Variants in PCDH9 observed in about 807,000 individuals in gnomAD.
The protein encoded by PCDH9 is protocadherin-9.
Under a neutral mutation model 70.6 loss-of-function variants are expected in PCDH9, and 24 were observed. That is an observed-to-expected ratio of 0.34 (90% CI 0.25 to 0.48). The LOEUF is 0.48. Among genes scored for constraint, PCDH9 ranks in the 20% least tolerant of loss-of-function variants. The probability of loss-of-function intolerance (pLI) is 0.99; values close to 1 mark genes in which losing one functional copy is unlikely to be tolerated. For missense variants in PCDH9, 1,281 were observed against 1,503.6 expected (o/e 0.85, Z 2.45); for synonymous variants, 562 against 558.5 (o/e 1.01, Z -0.09).
chr13:66,823,848 TG>T (rs2080761041), intron 3 of PCDH9, among the ~76,000 whole-genome samples: 1 of 152,164 alleles, frequency 6.6e-6, no homozygotes, highest in African/African-American at 2.4e-5. Flanking sequence ...ACTGATTTTT[TG>T]ACACTATATT....
intron 2 of PCDH9, among the ~76,000 whole-genome samples, chr13:67,065,149 A>C (rs1023394630): frequency 6.6e-6 from 1 of 152,146 alleles, no homozygotes; most frequent in Non-Finnish European, 1.5e-5. Flanking sequence ...AAGCATGCTT[A>C]CATGATGTTA....
intron 4 of PCDH9, among the ~76,000 whole-genome samples, chr13:66,330,905 G>C (rs1280524857): frequency 6.6e-6 from 1 of 152,120 alleles, no homozygotes; most frequent in Non-Finnish European, 1.5e-5. Flanking sequence ...AAAAAATTAG[G>C]CTCACATCTG....
chr13:67,162,519 A>G (rs1466476980), intron 2 of PCDH9, among the ~76,000 whole-genome samples: 1 of 152,210 alleles, frequency 6.6e-6, no homozygotes, highest in Non-Finnish European at 1.5e-5. Context: ...TCACAGAACA[A>G]CCATCAAAAG....
At chr13:66,389,674 G>A (rs902391179) in intron 4 of PCDH9, among the ~76,000 whole-genome samples, 8 of 152,272 alleles carry the variant, frequency 5.3e-5, no homozygotes, top group African/African-American at 1.9e-4. Context: ...CTGGTAAAGG[G>A]ACTTCAAGTG....
intron 4 of PCDH9, among the ~76,000 whole-genome samples, chr13:66,561,155 C>T (rs558953297): frequency 5.3e-5 from 8 of 152,334 alleles, no homozygotes; most frequent in African/African-American, 1.7e-4. Context: ...GCCCCGCACT[C>T]GGAGCGGCCG....
chr13:66,980,430 T>C (rs1025300514), intron 2 of PCDH9, among the ~76,000 whole-genome samples: 2 of 152,210 alleles, frequency 1.3e-5, no homozygotes, highest in African/African-American at 4.8e-5. Context: ...TAAAATCAGA[T>C]AAAGATTTAT....
Position 66,447,397 on chromosome 13 carries a change from G to A in PCDH9, c.3341-142369C>T, listed in dbSNP as rs1164697133. Among the ~76,000 whole-genome samples, 5 of 151,876 alleles carry A rather than the reference G, an allele frequency of 3.3e-5. No individual in the cohort carries two copies. In the East Asian group the frequency reaches 9.7e-4, roughly 29 times the overall value. On this transcript the variant is annotated intron_variant, in intron 4 of 4. Coordinates refer to ENST00000377865, the MANE Select transcript of PCDH9 (RefSeq NM_203487.3). ...TGCTAATGCTTCAAAAAATATAACT[G>A]GGAATAATTACCACAAATTATGATA...
In PCDH9 at chr13:67,213,221, A is replaced by G. The variant is rs2089510284; in HGVS notation, c.3036+12184T>C. 3.6e-5 allele frequency: 4 copies of G among 109,866 alleles called. No homozygotes were observed. In the East Asian group the frequency reaches 8.7e-4, roughly 24 times the overall value. 6.8% of individuals were successfully genotyped at this position (109,866 alleles called of 1,614,324 possible). ...GACTCCGTCACAAAAAAAAAAAAAAAAAAAAAAAAAAAAAAAAGAAAAAAA... is the reference window on the plus strand; with the variant it reads ...GACTCCGTCACAAAAAAAAAAAAAAGAAAAAAAAAAAAAAAAAGAAAAAAA... On this transcript the variant is annotated intron_variant, in intron 2 of 4. Transcript: ENST00000377865.
At chr13:66,902,865 G>A (rs1410083421) in intron 3 of PCDH9, among the ~76,000 whole-genome samples, 2 of 151,438 alleles carry the variant, frequency 1.3e-5, no homozygotes, top group South Asian at 4.1e-4. Context: ...AGCCATACTG[G>A]AATAATTGGC....
chr13:67,133,544 G>A (rs775319491), intron 2 of PCDH9, among the ~76,000 whole-genome samples: 3 of 152,040 alleles, frequency 2.0e-5, no homozygotes, highest in Non-Finnish European at 1.5e-5. Context: ...TAAATTCTAT[G>A]TCACAACATT....
At chr13:66,976,852 C>A (rs978705723) in intron 2 of PCDH9, among the ~76,000 whole-genome samples, 6 of 152,006 alleles carry the variant, frequency 3.9e-5, no homozygotes, top group African/African-American at 1.2e-4. Flanking sequence ...TTGTTTTTAT[C>A]CATAGGACCA....
At position 66,730,142 on chromosome 13, in the gene PCDH9, A is replaced by G. The variant is rs1410193733; in HGVS notation, c.3139-98731T>C. Among the ~76,000 whole-genome samples the G allele has an allele frequency of 3.3e-5, 5 of 152,296 alleles. 1 individual carries two copies. The highest frequency in any genetic ancestry group is 2.6e-4 in the Admixed American group (4 of 15,294). On this transcript the variant is annotated intron_variant, in intron 3 of 4. Transcript: ENST00000377865. ...TAGTCAATAAAATTCAAATCACTTG[A>G]TTAATTCTACTGACAAGATTTTATA...
chr13:66,573,421 A>G (rs1001762477), intron 4 of PCDH9, among the ~76,000 whole-genome samples: 16 of 152,026 alleles, frequency 1.1e-4, no homozygotes, highest in African/African-American at 3.9e-4. Flanking sequence ...ACTTGCGTAA[A>G]TGTATTAACC....
chr13:66,571,629 A>T (rs1431820882), intron 4 of PCDH9, among the ~76,000 whole-genome samples: 3 of 152,056 alleles, frequency 2.0e-5, no homozygotes, highest in Admixed American at 2.0e-4. Flanking sequence ...TTCAACGGCT[A>T]AAAGACTGTT....
At chr13:66,975,884 A>G (rs1021805010) in intron 2 of PCDH9, among the ~76,000 whole-genome samples, 4 of 152,056 alleles carry the variant, frequency 2.6e-5, no homozygotes, top group African/African-American at 7.2e-5. Context: ...GAACTTTACA[A>G]TGAGTGGAAA....
chr13:66,925,226 T>C (rs902733507), intron 2 of PCDH9, among the ~76,000 whole-genome samples: 4 of 152,000 alleles, frequency 2.6e-5, no homozygotes, highest in Non-Finnish European at 5.9e-5. Context: ...AATTTCTAAA[T>C]ATTCTTTGTT....
chr13:66,441,104 A>G (rs1957966008), intron 4 of PCDH9, among the ~76,000 whole-genome samples: 1 of 152,200 alleles, frequency 6.6e-6, no homozygotes. Context: ...CCTAAATGAA[A>G]TTGCTTTTTT....
At chr13:66,737,176 C>T (rs1476937740) in intron 3 of PCDH9, among the ~76,000 whole-genome samples, 1 of 139,502 alleles carries the variant, frequency 7.2e-6, no homozygotes, top group Non-Finnish European at 1.6e-5. Context: ...AAAGGTTGCA[C>T]TAAGTTAAAA....
chr13:66,396,918 C>A (rs1957110711), intron 4 of PCDH9, among the ~76,000 whole-genome samples: 1 of 151,864 alleles, frequency 6.6e-6, no homozygotes, highest in Non-Finnish European at 1.5e-5. Context: ...ACATTAAAAC[C>A]AAAATCATTT....
Sources: allele counts gnomAD v4.1 joint callset (sites outside exome capture counted in the v4.1 genomes callset), GRCh38; gene constraint gnomAD v4.1.1; transcripts MANE v1.5; gene names NCBI Gene and HGNC (gene_info 2026-07-23, HGNC 2026-07-21).